The following SHBG variants were observed in gnomAD, a reference collection of about 807,000 sequenced individuals.
The protein encoded by SHBG is sex hormone binding globulin.
Under a neutral mutation model 41.9 loss-of-function variants are expected in SHBG, and 37 were observed. That is an observed-to-expected ratio of 0.88 (90% confidence interval 0.68 to 1.16). SHBG has a LOEUF of 1.16. Among genes scored for constraint, SHBG ranks in the 50% most tolerant of loss-of-function variants. The pLI, the probability that SHBG is intolerant of heterozygous loss-of-function variation, is 0.00. For synonymous variants in SHBG, 217 were observed against 205.8 expected, an observed-to-expected ratio of 1.05 and a Z score of -0.47; for missense variants, 466 against 499.9, an observed-to-expected ratio of 0.93 and a Z score of 0.65.
intron 1 of SHBG, among the ~76,000 whole-genome samples, chr17:7,617,775 T>C (rs1190056098): frequency 1.3e-5 from 2 of 152,010 alleles, no homozygotes; most frequent in Non-Finnish European, 2.9e-5. Flanking sequence ...AAATCAATAG[T>C]AATAATTATT....
chr17:7,630,073 C>T (rs2072347438), upstream of SHBG: 1 of 1,006,242 alleles, frequency 9.9e-7, no homozygotes, highest in Middle Eastern at 3.0e-4. This position sits in a 1 kb window ranked among gnomAD's most constrained non-coding sequence, Gnocchi z 4.6. Flanking sequence ...CCCCTCCTCC[C>T]CGGGCAACCT....
At chr17:7,614,488 G>C (rs771697202) in intron 1 of SHBG, 2 of 1,540,072 alleles carry the variant, frequency 1.3e-6, no homozygotes. Context: ...GCACCTCGAC[G>C]GGCAGTCCCG....
chr17:7,618,795 T>TA (rs2072038308), intron 1 of SHBG, among the ~76,000 whole-genome samples: 1 of 152,044 alleles, frequency 6.6e-6, no homozygotes, highest in Non-Finnish European at 1.5e-5. Flanking sequence ...ATCCCCAGGA[T>TA]AAAGGTGAAG....
chr17:7,622,539 C>T (rs976989282), intron 1 of SHBG, among the ~76,000 whole-genome samples: 1 of 152,002 alleles, frequency 6.6e-6, no homozygotes, highest in Non-Finnish European at 1.5e-5. Context: ...TCCCAAAGTG[C>T]TGGGATTACA....
chr17:7,630,376 A>G lies in SHBG; in HGVS notation c.112-40A>G, dbSNP rs761640959. On this transcript the variant is annotated intron_variant, in intron 1 of 7. Transcript: ENST00000380450. This position sits in a 1 kb window ranked among gnomAD's most constrained non-coding sequence, Gnocchi z 4.6. ...GCCTCTCCCTCTGTCTGTCTCTGACATGTCCCTACTCAGCTTTGTTTGTTT... is the reference window on the plus strand; with the variant it reads ...GCCTCTCCCTCTGTCTGTCTCTGACGTGTCCCTACTCAGCTTTGTTTGTTT... The G allele has an allele frequency of 1.3e-6, 2 of 1,599,712 alleles. No individual in the cohort carries two copies. Among genetic ancestry groups the G allele is most frequent in the East Asian group, 2.2e-5 (1 of 44,818 alleles).
chr17:7,622,368 G>A (rs1364565230), intron 1 of SHBG, among the ~76,000 whole-genome samples: 1 of 151,130 alleles, frequency 6.6e-6, no homozygotes, highest in Non-Finnish European at 1.5e-5. Flanking sequence ...CACCTCCCGG[G>A]TTCAAGCAAT....
At chr17:7,629,890 A>T (rs1373268637), upstream of SHBG, among the ~76,000 whole-genome samples, 1 of 152,022 alleles carries the variant, frequency 6.6e-6, no homozygotes, top group African/African-American at 2.4e-5. Flanking sequence ...GCCCTAGAGG[A>T]GGAGAGGGGA....
At chr17:7,619,073 C>T (rs968730298) in intron 1 of SHBG, among the ~76,000 whole-genome samples, 3 of 152,068 alleles carry the variant, frequency 2.0e-5, no homozygotes, top group South Asian at 2.1e-4. Flanking sequence ...ATGGATCATA[C>T]GTGTATTCGT....
intron 1 of SHBG, among the ~76,000 whole-genome samples, chr17:7,616,964 A>G (rs1488773739): frequency 6.6e-6 from 1 of 152,118 alleles, no homozygotes; most frequent in Non-Finnish European, 1.5e-5. Context: ...ATAATAAATA[A>G]TGCTGGGGAA....
chr17:7,623,942 G>A (rs934089909), upstream of SHBG, among the ~76,000 whole-genome samples: 1 of 152,010 alleles, frequency 6.6e-6, no homozygotes, highest in Admixed American at 6.6e-5. Context: ...TATTTATTTA[G>A]TTTTTGTTTT....
chr17:7,629,544 T>C (rs1015973370), upstream of SHBG, among the ~76,000 whole-genome samples: 5 of 152,004 alleles, frequency 3.3e-5, no homozygotes, highest in Admixed American at 1.3e-4. Flanking sequence ...ACACAGACAA[T>C]ACCTTCTTGG....
chr17:7,623,992 T>C (rs1413765877), upstream of SHBG, among the ~76,000 whole-genome samples: 1 of 152,234 alleles, frequency 6.6e-6, no homozygotes, highest in Non-Finnish European at 1.5e-5. Flanking sequence ...AGTCTTGCTC[T>C]GTCGCCCAGA....
At chr17:7,633,157 G>A (rs371820086) in intron 7 of SHBG, 47 bp from the exon 8 acceptor site, 40 of 1,609,780 alleles carry the variant, frequency 2.5e-5, no homozygotes, top group African/African-American at 1.2e-4. Flanking sequence ...TTCTGGATCC[G>A]AGCCACCTTA....
rs768955833 is a variant in SHBG at position 7,631,396 on chromosome 17, A to G, written c.555+35A>G. 3 of 1,607,568 alleles carry G rather than the reference A, an allele frequency of 1.9e-6. No homozygotes were observed. The South Asian group carries it at 3.3e-5, about 18-fold the overall frequency. ...CCCCAGGGGTGGAACCCTAGCCAAG[A>G]CTTGGTAAAGCACTGCTGGGTGGCT... On this transcript the variant is annotated intron_variant, in intron 4 of 7. Coordinates refer to ENST00000380450, the MANE Select transcript of SHBG (RefSeq NM_001040.5).
At position 7,632,840 on chromosome 17, in the gene SHBG, GGGT is replaced by G. The variant is rs1306910773; in HGVS notation, c.945_947del (p.Val316del). 6.2e-7 allele frequency: 1 copy of G among 1,614,188 alleles called. No homozygotes were observed. The highest frequency in any genetic ancestry group is 8.5e-7 in the Non-Finnish European group (1 of 1,180,024). ...CTTCAGCTGAAGCTGAGTATGTCCA[GGGT>G]GGTCTTGAGCCAAGGGTCGAAGATG... On this transcript the variant is annotated inframe_deletion, in exon 7 of 8. Transcript: ENST00000380450.
rs2072478129 is a variant in SHBG, at chr17:7,633,234, A to G, written c.1091A>G (p.Asn364Ser). The change falls in exon 8 of 8, where the codon AAT becomes AGT. Residue 364 changes from asparagine to serine, a missense_variant. Asn to Ser is a conservative substitution (Grantham distance 46). Coordinates refer to ENST00000380450, the MANE Select transcript of SHBG (RefSeq NM_001040.5). ...GEDSSTSFCLNGLWAQGQRLD... is the reference protein window; with the variant it reads ...GEDSSTSFCLSGLWAQGQRLD... ...GACTCTTCCACCTCTTTTTGCCTGA[A>G]TGGCCTTTGGGCACAAGGTCAGAGG... is the stretch of plus-strand genomic sequence containing the variant. 1.2e-6 allele frequency: 2 copies of G among 1,614,010 alleles called. No homozygotes were observed. Among genetic ancestry groups the G allele is most frequent in the African/African-American group, 1.3e-5 (1 of 74,896 alleles).
upstream of SHBG, chr17:7,626,214 A>G: frequency 2.2e-6 from 1 of 456,958 alleles, no homozygotes; most frequent in Non-Finnish European, 3.9e-6. Flanking sequence ...AAAGAAATAA[A>G]AGAAAGACCC....
intron 6 of SHBG, 22 bp from the exon 7 acceptor site, chr17:7,632,730 C>T: frequency 6.3e-7 from 1 of 1,590,526 alleles, no homozygotes; most frequent in South Asian, 1.1e-5. Flanking sequence ...TCTCTACCGT[C>T]CCTTTCCCAC....
upstream of SHBG, chr17:7,627,985 G>A: frequency 1.9e-6 from 1 of 519,366 alleles, no homozygotes; most frequent in Middle Eastern, 3.4e-4. This position sits in a 1 kb window ranked among gnomAD's most constrained non-coding sequence, Gnocchi z 4.8. Context: ...GGGCTCCTGG[G>A]TAGAGTTCAA....
Sources: allele counts gnomAD v4.1 joint callset (sites outside exome capture counted in the v4.1 genomes callset), GRCh38; gene constraint gnomAD v4.1.1; non-coding constraint Gnocchi (gnomAD v3.1); transcripts MANE v1.5; gene names NCBI Gene and HGNC (gene_info 2026-07-23, HGNC 2026-07-21).